BLM: variants seen among roughly 807,000 people sequenced by gnomAD.
BLM encodes BLM RecQ like helicase.
BLM carries 95 observed loss-of-function variants against 135.3 expected under a neutral mutation model. The observed-to-expected ratio is 0.70, with a 90% CI of 0.59 to 0.83. BLM has a LOEUF of 0.83. Among genes scored for constraint, BLM ranks in the 40% least tolerant of loss-of-function variants. BLM has a pLI of 0.00. For missense variants in BLM, 1,518 were observed against 1,663.9 expected (o/e 0.91, Z 1.53); for synonymous variants, 520 against 589.2 (o/e 0.88, Z 1.70).
intron 13 of BLM, among the ~76,000 whole-genome samples, chr15:90,784,472 A>G (rs1226809393): frequency 1.3e-5 from 2 of 150,596 alleles, no homozygotes; most frequent in African/African-American, 4.9e-5. Flanking sequence ...AGCTGGGATT[A>G]CAGGTGCCCA....
intron 1 of BLM, among the ~76,000 whole-genome samples, chr15:90,719,234 G>T (rs900068656): frequency 6.6e-6 from 1 of 152,050 alleles, no homozygotes; most frequent in Non-Finnish European, 1.5e-5. Context: ...CTCGTGATCC[G>T]CCTGCCTCCG....
chr15:90,757,775 G>A (rs1376637195), intron 5 of BLM, among the ~76,000 whole-genome samples: 1 of 152,010 alleles, frequency 6.6e-6, no homozygotes, highest in Non-Finnish European at 1.5e-5. Flanking sequence ...CTGAGGATAT[G>A]TACTGTTTCC....
chr15:90,780,740 T>C (rs1191761512), intron 12 of BLM, among the ~76,000 whole-genome samples: 1 of 152,254 alleles, frequency 6.6e-6, no homozygotes, highest in African/African-American at 2.4e-5. Flanking sequence ...GTAGGCATAC[T>C]CTGCTGTATC....
chr15:90,804,047 A>T, intron 18 of BLM, 120 bp from the exon 19 acceptor site: 1 of 955,512 alleles, frequency 1.0e-6, no homozygotes, highest in Non-Finnish European at 1.6e-6. Context: ...CAGTGGGCTC[A>T]CTATCTGCAT....
At chr15:90,735,793 A>T (rs1299992816) in intron 1 of BLM, among the ~76,000 whole-genome samples, 9 of 152,182 alleles carry the variant, frequency 5.9e-5, no homozygotes, top group Non-Finnish European at 1.3e-4. Context: ...AATTGGCTAC[A>T]TTGAAAAGCA....
At chr15:90,796,725 A>G (rs1486347627) in intron 16 of BLM, among the ~76,000 whole-genome samples, 1 of 152,218 alleles carries the variant, frequency 6.6e-6, no homozygotes, top group Non-Finnish European at 1.5e-5. Flanking sequence ...GTTCAGCCAC[A>G]TAGGTACAGG....
At chr15:90,772,729 C>T (rs1896355229) in intron 12 of BLM, among the ~76,000 whole-genome samples, 1 of 152,114 alleles carries the variant, frequency 6.6e-6, no homozygotes, top group African/African-American at 2.4e-5. Context: ...GCTAGAACCC[C>T]CAGTAACAGC....
chr15:90,809,359 C>T, intron 20 of BLM, 100 bp downstream of exon 20: 2 of 1,569,834 alleles, frequency 1.3e-6, no homozygotes, highest in South Asian at 1.1e-5. Flanking sequence ...GCTTCCTACA[C>T]CTCGTCACAC....
At chr15:90,778,577 T>C (rs1399105628) in intron 12 of BLM, among the ~76,000 whole-genome samples, 1 of 152,220 alleles carries the variant, frequency 6.6e-6, no homozygotes, top group East Asian at 1.9e-4. Context: ...CTGCTTTCTA[T>C]GTATAGATTT....
In BLM at chr15:90,723,709, A is replaced by G. The variant is rs139314758; in HGVS notation, c.-5+6269A>G. ...AACCTCTTAACAGAGTTTTACATGT[A>G]TAGTACCACACAGCCACAATGTTGT... On this transcript the variant is annotated intron_variant, in intron 1 of 21. Transcript: ENST00000355112. Among the ~76,000 whole-genome samples, 832 of 152,280 alleles carry G rather than the reference A, an allele frequency of 5.5e-3. 15 individuals are homozygous for G. Among genetic ancestry groups the G allele is most frequent in the African/African-American group, 0.019 (793 of 41,556 alleles).
At chr15:90,722,047 G>A (rs545729043) in intron 1 of BLM, among the ~76,000 whole-genome samples, 41 of 152,062 alleles carry the variant, frequency 2.7e-4, no homozygotes, top group Middle Eastern at 3.4e-3. Flanking sequence ...CACTTTAGGA[G>A]GCTGAGGCAG....
intron 1 of BLM, among the ~76,000 whole-genome samples, chr15:90,739,721 A>G (rs1308785238): frequency 1.3e-5 from 2 of 152,032 alleles, no homozygotes; most frequent in Admixed American, 6.5e-5. Flanking sequence ...AAGTGTCTCT[A>G]TTTCTTGTGG....
chr15:90,786,918 T>C (rs1896764306), intron 14 of BLM, among the ~76,000 whole-genome samples: 1 of 151,802 alleles, frequency 6.6e-6, no homozygotes, highest in Admixed American at 6.6e-5. Context: ...TGGCCCTCTT[T>C]GTGGTTTTGA....
rs2151199869 is a variant in BLM, at chr15:90,811,305, C to T, written c.3975C>T (p.Tyr1325=). 6.2e-7 allele frequency: 1 copy of T among 1,614,182 alleles called. No individual in the cohort carries two copies. Among genetic ancestry groups the T allele is most frequent in the Non-Finnish European group, 8.5e-7 (1 of 1,180,038 alleles). The part of the protein sequence containing the change: ...LDEEIPVSSH[Y]FASKTRNERK... ...AGGAAATACCCGTATCTTCCCACTA[C>T]TTTGCAAGTAAAACCAGAAATGAAA... Residue 1325 remains tyrosine (Y), a synonymous_variant, in exon 21 of 22, where the codon TAC becomes TAT. Coordinates refer to ENST00000355112, the MANE Select transcript of BLM (RefSeq NM_000057.4).
At chr15:90,804,597 G>T (rs1285681230) in intron 19 of BLM, among the ~76,000 whole-genome samples, 1 of 151,990 alleles carries the variant, frequency 6.6e-6, no homozygotes, top group African/African-American at 2.4e-5. Flanking sequence ...CCAAGTAGCT[G>T]GGACTACAGG....
chr15:90,717,430 C>CT lies in BLM; in HGVS notation c.-14dup, dbSNP rs1894633642. The CT allele has an allele frequency of 6.6e-6, 1 of 152,330 alleles. No homozygotes were observed. The highest frequency in any genetic ancestry group is 1.5e-5 in the Non-Finnish European group (1 of 68,102). 9.4% of individuals were successfully genotyped at this position (152,330 alleles called of 1,614,324 possible). A position where few individuals can be genotyped will look rare whatever the true frequency, so the allele number is the denominator to read the frequency against. On this transcript the variant is annotated 5_prime_UTR_variant, in exon 1 of 22. Coordinates refer to ENST00000355112, the MANE Select transcript of BLM (RefSeq NM_000057.4). ...GATCCTGGTTCCGTCCGCTAGGAGT[C>CT]TGCGTGCGAGGTGAGTACCGCGCGC...
chr15:90,799,970 A>G (rs1014273410), intron 17 of BLM, among the ~76,000 whole-genome samples: 3 of 152,198 alleles, frequency 2.0e-5, no homozygotes, highest in African/African-American at 7.2e-5. Context: ...GATGGGAGAT[A>G]CAAAGTTTTT....
intron 10 of BLM, 26 bp from the exon 11 acceptor site, chr15:90,769,107 A>T (rs2151165626): frequency 6.6e-7 from 1 of 1,510,680 alleles, no homozygotes; most frequent in Non-Finnish European, 9.2e-7. Flanking sequence ...CAGTGTTTTT[A>T]CATGTCTAAT....
At chr15:90,775,526 GTGTGTA>G (rs1039872546) in intron 12 of BLM, among the ~76,000 whole-genome samples, 19 of 148,322 alleles carry the variant, frequency 1.3e-4, no homozygotes, top group African/African-American at 4.1e-4. Context: ...GTGTGTGTGT[GTGTGTA>G]TTTTAGACCA....
Sources: allele counts gnomAD v4.1 joint callset (sites outside exome capture counted in the v4.1 genomes callset), GRCh38; gene constraint gnomAD v4.1.1; transcripts MANE v1.5; gene names NCBI Gene and HGNC (gene_info 2026-07-23, HGNC 2026-07-21).